Variants in PCDH9 observed in about 807,000 individuals in gnomAD.
PCDH9 encodes protocadherin 9.
In PCDH9, 24 loss-of-function variants were observed where a neutral mutation model predicts 70.6. That is an observed-to-expected ratio of 0.34 (90% CI 0.25 to 0.48). The LOEUF is 0.48. Ranked by LOEUF, PCDH9 falls within the 20% of genes least tolerant of loss-of-function variation. The pLI is 0.99. For missense variants in PCDH9, 1,281 were observed against 1,503.6 expected (o/e 0.85, Z 2.45); for synonymous variants, 562 against 558.5 (o/e 1.01, Z -0.09).
At chr13:66,610,201 A>C (rs886565796) in intron 4 of PCDH9, among the ~76,000 whole-genome samples, 4 of 152,040 alleles carry the variant, frequency 2.6e-5, no homozygotes, top group Admixed American at 2.0e-4. Flanking sequence ...TAAGATATTT[A>C]TATTATTATC....
At chr13:66,431,169 C>G (rs1957764974) in intron 4 of PCDH9, among the ~76,000 whole-genome samples, 1 of 152,024 alleles carries the variant, frequency 6.6e-6, no homozygotes, top group Admixed American at 6.6e-5. Flanking sequence ...TAGATTCCAA[C>G]TACCACATAT....
At chr13:67,095,392 A>T (rs1426537087) in intron 2 of PCDH9, among the ~76,000 whole-genome samples, 2 of 152,192 alleles carry the variant, frequency 1.3e-5, no homozygotes, top group Non-Finnish European at 2.9e-5. Flanking sequence ...TATTATTTTT[A>T]AAAAGTAATA....
At chr13:66,597,093 C>T (rs2077113403) in intron 4 of PCDH9, among the ~76,000 whole-genome samples, 1 of 151,488 alleles carries the variant, frequency 6.6e-6, no homozygotes, top group South Asian at 2.1e-4. Flanking sequence ...AGTCAGCTGA[C>T]CATCTATGTC....
chr13:66,930,735 A>G (rs1170548275), intron 2 of PCDH9, among the ~76,000 whole-genome samples: 3 of 152,150 alleles, frequency 2.0e-5, no homozygotes, highest in African/African-American at 4.8e-5. Flanking sequence ...ATCTAGAAAA[A>G]AAACAAGCAA....
chr13:66,924,550 C>T (rs893839070), intron 2 of PCDH9, among the ~76,000 whole-genome samples: 1 of 151,664 alleles, frequency 6.6e-6, no homozygotes, highest in Non-Finnish European at 1.5e-5. Flanking sequence ...AGACGTTCTT[C>T]ATGTAAAGAA....
intron 2 of PCDH9, among the ~76,000 whole-genome samples, chr13:67,171,879 C>T (rs567123971): frequency 6.6e-6 from 1 of 152,202 alleles, no homozygotes; most frequent in Middle Eastern, 3.4e-3. Flanking sequence ...AAAATGAGAG[C>T]GGTGTCATTT....
Position 67,155,472 on chromosome 13 carries a change from T to TCATAACC in PCDH9, c.3036+69926_3036+69932dup, listed in dbSNP as rs1165563454. ...AAAACTGATTTATTTTGAAATTGGA[T>TCATAACC]CATAACCTTAAATTGTAATTATCAA... On this transcript the variant is annotated intron_variant, in intron 2 of 4. Coordinates refer to ENST00000377865, the MANE Select transcript of PCDH9 (RefSeq NM_203487.3). Among the ~76,000 whole-genome samples the TCATAACC allele has an allele frequency of 3.9e-5, 6 of 152,340 alleles. No homozygotes were observed. The East Asian group carries it at 1.2e-3, about 29-fold the overall frequency.
chr13:66,689,100 A>G (rs1246210368), intron 3 of PCDH9, among the ~76,000 whole-genome samples: 2 of 152,306 alleles, frequency 1.3e-5, no homozygotes, highest in East Asian at 1.9e-4. Context: ...GTATCTAGCC[A>G]CTAATATATG....
intron 2 of PCDH9, among the ~76,000 whole-genome samples, chr13:66,972,485 C>T (rs1000726708): frequency 1.4e-4 from 22 of 151,952 alleles, no homozygotes; most frequent in Non-Finnish European, 2.5e-4. Flanking sequence ...AAGAAGAACA[C>T]GGCTTAAGTC....
chr13:67,055,933 A>G (rs1444624407), intron 2 of PCDH9, among the ~76,000 whole-genome samples: 1 of 152,134 alleles, frequency 6.6e-6, no homozygotes, highest in Non-Finnish European at 1.5e-5. Flanking sequence ...AGGAAGGATC[A>G]CTTAAGGCCA....
chr13:66,678,565 T>C (rs2078275111), intron 3 of PCDH9, among the ~76,000 whole-genome samples: 1 of 152,016 alleles, frequency 6.6e-6, no homozygotes, highest in African/African-American at 2.4e-5. Flanking sequence ...TCAGAGTGAC[T>C]GAGTAACTAA....
At chr13:67,138,583 G>T (rs766473309) in intron 2 of PCDH9, among the ~76,000 whole-genome samples, 2 of 152,146 alleles carry the variant, frequency 1.3e-5, no homozygotes, top group Non-Finnish European at 2.9e-5. Flanking sequence ...TACATAGGGC[G>T]TACCCCGAGT....
intron 4 of PCDH9, among the ~76,000 whole-genome samples, chr13:66,540,828 G>C (rs1960922857): frequency 6.6e-6 from 1 of 152,076 alleles, no homozygotes; most frequent in Non-Finnish European, 1.5e-5. Flanking sequence ...AATTATTTGG[G>C]TTATTGTTTT....
At chr13:66,812,834 T>C (rs2080533568) in intron 3 of PCDH9, among the ~76,000 whole-genome samples, 1 of 152,212 alleles carries the variant, frequency 6.6e-6, no homozygotes, top group Admixed American at 6.5e-5. Context: ...TTTTGTCCTA[T>C]AAAGGCCAAG....
At chr13:66,895,640 G>A (rs1355489637) in intron 3 of PCDH9, among the ~76,000 whole-genome samples, 2 of 152,168 alleles carry the variant, frequency 1.3e-5, no homozygotes, top group African/African-American at 4.8e-5. Context: ...CATTATTTAC[G>A]AGAACATGCA....
intron 3 of PCDH9, among the ~76,000 whole-genome samples, chr13:66,692,743 T>G (rs965809550): frequency 1.3e-5 from 2 of 152,064 alleles, no homozygotes. Flanking sequence ...TGTTGTAAAG[T>G]ATTCCAATCA....
intron 2 of PCDH9, among the ~76,000 whole-genome samples, chr13:66,983,459 A>G (rs748863879): frequency 2.4e-4 from 37 of 152,048 alleles, no homozygotes; most frequent in Non-Finnish European, 4.4e-4. Flanking sequence ...AAAAAAAATA[A>G]AAGGAGAAAA....
At chr13:66,511,067 T>G (rs768772754) in intron 4 of PCDH9, among the ~76,000 whole-genome samples, 1 of 152,166 alleles carries the variant, frequency 6.6e-6, no homozygotes, top group Non-Finnish European at 1.5e-5. Flanking sequence ...TCAATGAGGC[T>G]TGAAACTGTG....
chr13:66,657,958 A>T (rs937354219), intron 3 of PCDH9, among the ~76,000 whole-genome samples: 1 of 152,226 alleles, frequency 6.6e-6, no homozygotes, highest in African/African-American at 2.4e-5. Flanking sequence ...TTCTTAAAAA[A>T]TGGCATTAAA....
Sources: gnomAD v4.1 joint callset for allele counts (sites outside exome capture counted in the v4.1 genomes callset) on GRCh38, gnomAD v4.1.1 for gene constraint, MANE v1.5 for transcripts, NCBI Gene and HGNC (gene_info 2026-07-23, HGNC 2026-07-21) for gene names.